The following GABBR2 variants were observed in gnomAD, a reference collection of about 807,000 sequenced individuals.
GABBR2 encodes the protein G-protein coupled receptor 51.
In GABBR2, 23 loss-of-function variants were observed where a neutral mutation model predicts 105.6. The ratio of observed to expected loss-of-function variants is 0.22; its 90% confidence interval spans 0.16 to 0.31. The LOEUF (loss-of-function observed/expected upper bound fraction) is 0.31, where lower values mean the gene tolerates loss of function less well. GABBR2 is among the 10% of genes least tolerant of loss of function. The probability of loss-of-function intolerance (pLI) is 1.00; values close to 1 mark genes in which losing one functional copy is unlikely to be tolerated. For missense variants in GABBR2, 734 were observed against 1,245.5 expected, an observed-to-expected ratio of 0.59 and a Z score of 6.18; for synonymous variants, 478 against 499.7, an observed-to-expected ratio of 0.96 and a Z score of 0.58.
At chr9:98,504,544 C>T (rs916670814) in intron 3 of GABBR2, among the ~76,000 whole-genome samples, 5 of 152,192 alleles carry the variant, frequency 3.3e-5, no homozygotes, top group African/African-American at 7.2e-5. Flanking sequence ...AATTAGGTTA[C>T]GAAATGAACT....
chr9:98,302,935 T>C (rs1830492735), intron 16 of GABBR2: 2 of 372,340 alleles, frequency 5.4e-6, no homozygotes, highest in Non-Finnish European at 9.6e-6. Context: ...GACACTGACG[T>C]AGGAAGCTAT....
Position 98,496,488 on chromosome 9 carries a change from C to A in GABBR2, c.657G>T (p.Leu219=). 1 of 1,612,782 alleles carries A rather than the reference C, an allele frequency of 6.2e-7. No individual in the cohort carries two copies. Among genetic ancestry groups the A allele is most frequent in the Non-Finnish European group, 8.5e-7 (1 of 1,179,002 alleles). Residue 219 remains leucine (L), a synonymous_variant, in exon 4 of 19, where the codon CTG becomes CTT. Transcript: ENST00000259455. ...CTGAAATCTCAATGTCCTCGCCATA[C>A]AGAACTCCAGTCAGGTCATTCCGCA... ...SEVRNDLTGV[L]YGEDIEISDT... is the part of the protein sequence containing the mutation.
At chr9:98,560,426 T>TAC (rs1209503495) in intron 2 of GABBR2, among the ~76,000 whole-genome samples, 21 of 64,202 alleles carry the variant, frequency 3.3e-4, no homozygotes, top group East Asian at 2.0e-3. Context: ...CATATACACA[T>TAC]ACACACACAC....
chr9:98,383,156 G>A (rs1001425215), intron 11 of GABBR2, among the ~76,000 whole-genome samples: 1 of 152,116 alleles, frequency 6.6e-6, no homozygotes, highest in Non-Finnish European at 1.5e-5. Context: ...GGTCAGGCTG[G>A]TCTTGAACTC....
intron 3 of GABBR2, chr9:98,538,742 G>A (rs571568543): frequency 5.1e-6 from 1 of 197,846 alleles, no homozygotes; most frequent in African/African-American, 2.4e-5. Flanking sequence ...CGGAACAGAA[G>A]TGCTTGACGT....
intron 16 of GABBR2, among the ~76,000 whole-genome samples, chr9:98,302,564 C>A (rs1238883194): frequency 1.3e-5 from 2 of 152,166 alleles, no homozygotes; most frequent in Non-Finnish European, 2.9e-5. Context: ...TTCCTTGGTC[C>A]CTTTCCTGTC....
chr9:98,515,111 G>A lies in GABBR2; in HGVS notation c.631-18597C>T, dbSNP rs1471767187. Among the ~76,000 whole-genome samples the A allele has an allele frequency of 3.9e-5, 6 of 152,158 alleles. No individual in the cohort carries two copies. In the East Asian group the frequency reaches 7.7e-4, roughly 20 times the overall value. ...TTCCCCAGGTGGGACTGAGCTCCCC[G>A]CCATGACAGGTGTGCAAGCAGAGGT... On this transcript the variant is annotated intron_variant, in intron 3 of 18. Coordinates refer to ENST00000259455, the MANE Select transcript of GABBR2 (RefSeq NM_005458.8).
At chr9:98,531,279 G>A (rs1352458949) in intron 3 of GABBR2, among the ~76,000 whole-genome samples, 1 of 152,154 alleles carries the variant, frequency 6.6e-6, no homozygotes, top group East Asian at 1.9e-4. Flanking sequence ...TGGGGAGAAG[G>A]ACTCCACTCT....
intron 4 of GABBR2, among the ~76,000 whole-genome samples, chr9:98,491,930 T>G (rs1242428131): frequency 6.6e-6 from 1 of 152,166 alleles, no homozygotes; most frequent in Admixed American, 6.5e-5. Context: ...CGCTTTTGGC[T>G]GGTTGACATC....
intron 13 of GABBR2, among the ~76,000 whole-genome samples, chr9:98,342,948 TCC>T (rs1304348854): frequency 6.6e-6 from 1 of 152,138 alleles, no homozygotes; most frequent in African/African-American, 2.4e-5. Flanking sequence ...TGACTTTTTT[TCC>T]CCCCAGAGCA....
intron 1 of GABBR2, among the ~76,000 whole-genome samples, chr9:98,580,777 C>T (rs1828990289): frequency 1.3e-5 from 2 of 152,142 alleles, no homozygotes; most frequent in South Asian, 2.1e-4. Flanking sequence ...AGCAAGGCTC[C>T]ATCTCAAAAC....
chr9:98,382,112 T>TTGAA (rs974874135), intron 11 of GABBR2, among the ~76,000 whole-genome samples: 1 of 152,098 alleles, frequency 6.6e-6, no homozygotes, highest in African/African-American at 2.4e-5. Flanking sequence ...GCAGTGAAGA[T>TTGAA]TGAATGCCTC....
intron 2 of GABBR2, among the ~76,000 whole-genome samples, chr9:98,566,821 A>AG (rs1295158918): frequency 1.5e-5 from 2 of 132,346 alleles, no homozygotes; most frequent in Non-Finnish European, 3.3e-5. Flanking sequence ...AAAAAAAAAA[A>AG]GGCGACAAAG....
At chr9:98,630,129 A>G (rs1009354967) in intron 1 of GABBR2, among the ~76,000 whole-genome samples, 1 of 152,090 alleles carries the variant, frequency 6.6e-6, no homozygotes, top group East Asian at 1.9e-4. Context: ...GTCACTCTGC[A>G]TGGCTCTTCT....
intron 1 of GABBR2, among the ~76,000 whole-genome samples, chr9:98,667,786 T>C (rs1329522708): frequency 6.6e-6 from 1 of 152,224 alleles, no homozygotes; most frequent in East Asian, 1.9e-4. Flanking sequence ...ACCTGTGTTG[T>C]AAATATCTGC....
chr9:98,679,527 T>C (rs1407576499), intron 1 of GABBR2, among the ~76,000 whole-genome samples: 1 of 152,226 alleles, frequency 6.6e-6, no homozygotes, highest in Non-Finnish European at 1.5e-5. Context: ...AGGGCTGTAA[T>C]GATTGGAGCT....
At chr9:98,345,662 T>G (rs1564025589) in intron 13 of GABBR2, among the ~76,000 whole-genome samples, 1 of 152,200 alleles carries the variant, frequency 6.6e-6, no homozygotes, top group Non-Finnish European at 1.5e-5. Flanking sequence ...GAAATAAAAT[T>G]GTCTCTGTTT....
At chr9:98,692,517 A>G (rs1830695633) in intron 1 of GABBR2, among the ~76,000 whole-genome samples, 1 of 152,228 alleles carries the variant, frequency 6.6e-6, no homozygotes, top group African/African-American at 2.4e-5. Flanking sequence ...GCTTGGCCTA[A>G]GGGCCTTCGG....
At chr9:98,672,226 C>T (rs1408702204) in intron 1 of GABBR2, among the ~76,000 whole-genome samples, 1 of 152,122 alleles carries the variant, frequency 6.6e-6, no homozygotes, top group Admixed American at 6.6e-5. Context: ...CCCTCTCCCC[C>T]AGCCCTGGCG....
Sources: gnomAD v4.1 joint callset for allele counts (sites outside exome capture counted in the v4.1 genomes callset) on GRCh38, gnomAD v4.1.1 for gene constraint, MANE v1.5 for transcripts, NCBI Gene and HGNC (gene_info 2026-07-23, HGNC 2026-07-21) for gene names.